CNIH3: variants seen among roughly 807,000 people sequenced by gnomAD.
The protein encoded by CNIH3 is cornichon family AMPA receptor auxiliary protein 3, also known as protein cornichon homolog 3.
CNIH3 carries 14 observed loss-of-function variants against 24.1 expected under a neutral mutation model. That is an observed-to-expected ratio of 0.58 (90% CI 0.38 to 0.91). The LOEUF is 0.91. Ranked by LOEUF, CNIH3 falls within the 40% of genes least tolerant of loss-of-function variation. The pLI is 0.00. For missense variants in CNIH3, 178 were observed against 196.8 expected, an observed-to-expected ratio of 0.90 and a Z score of 0.57; for synonymous variants, 68 against 73.8, an observed-to-expected ratio of 0.92 and a Z score of 0.40.
At chr1:224,643,579 T>C (rs7537973) in intron 1 of CNIH3, among the ~76,000 whole-genome samples, 89,181 of 152,090 alleles carry the variant, frequency 0.59, 28,604 homozygotes, top group African/African-American at 0.85. Flanking sequence ...GCCTCCCTTC[T>C]GTTGTGGGAC....
chr1:224,586,931 C>A (rs772738095), intron 5 of CNIH3, among the ~76,000 whole-genome samples: 1 of 152,178 alleles, frequency 6.6e-6, no homozygotes. Context: ...CTTCTAAAGA[C>A]TGGCAGGGGA....
intron 1 of CNIH3, among the ~76,000 whole-genome samples, chr1:224,466,362 T>C (rs1302781984): frequency 6.6e-6 from 1 of 152,228 alleles, no homozygotes. Context: ...TGTCATACAG[T>C]CTGTAGCTTT....
At chr1:224,559,511 C>T (rs1188000355) in intron 3 of CNIH3, among the ~76,000 whole-genome samples, 4 of 152,076 alleles carry the variant, frequency 2.6e-5, no homozygotes, top group African/African-American at 9.7e-5. Context: ...ACTACAGGCA[C>T]ATGCCACCAT....
rs73131696 is a variant in CNIH3, at chr1:224,525,470, A to G, written n.343+4143A>G. Among the ~76,000 whole-genome samples the G allele has an allele frequency of 2.5e-3, 381 of 152,358 alleles. 2 individuals carry two copies. Among genetic ancestry groups the G allele is most frequent in the African/African-American group, 8.2e-3 (342 of 41,584 alleles). On this transcript the variant is annotated intron_variant and non_coding_transcript_variant, in intron 2 of 2. Coordinates refer to the CNIH3 transcript ENST00000470602. ...TTTTCCCTCCTCCCAAGTGAAGAGCATCAGACCTTCCACAGTCAGGGTGTG... is the reference window on the plus strand; with the variant it reads ...TTTTCCCTCCTCCCAAGTGAAGAGCGTCAGACCTTCCACAGTCAGGGTGTG...
At chr1:224,696,692 A>T (rs373773528) in intron 3 of CNIH3, among the ~76,000 whole-genome samples, 1 of 152,240 alleles carries the variant, frequency 6.6e-6, no homozygotes. Flanking sequence ...ACCAATCTGA[A>T]TTTATTCATT....
rs190908387 is a variant in CNIH3, at chr1:224,508,891, C to T, written n.204-6850C>T. Reference sequence around the variant, plus strand: ...ACCCTGGGGGGTTCAAAGATAACTACGATTTTTATTCTAAAGTAGTTTAGG... The same window carrying T: ...ACCCTGGGGGGTTCAAAGATAACTATGATTTTTATTCTAAAGTAGTTTAGG... On this transcript the variant is annotated intron_variant and non_coding_transcript_variant, in intron 1 of 5. Transcript: ENST00000471578. Among the ~76,000 whole-genome samples, 20 of 152,214 alleles carry T rather than the reference C, an allele frequency of 1.3e-4. No homozygotes were observed. The East Asian group carries it at 3.5e-3, about 26-fold the overall frequency.
chr1:224,661,380 C>A, intron 1 of CNIH3: 1 of 271,506 alleles, frequency 3.7e-6, no homozygotes. Context: ...AGAATGAGTC[C>A]CCTGTGACCT....
chr1:224,601,128 G>A (rs1682189348), intron 3 of CNIH3, among the ~76,000 whole-genome samples: 1 of 152,182 alleles, frequency 6.6e-6, no homozygotes, highest in Non-Finnish European at 1.5e-5. Flanking sequence ...AGGCCCAAGC[G>A]AACAACTTGA....
At chr1:224,567,909 A>G (rs551985606) in intron 4 of CNIH3, among the ~76,000 whole-genome samples, 1 of 152,330 alleles carries the variant, frequency 6.6e-6, no homozygotes, top group East Asian at 1.9e-4. Context: ...GAACAGACCT[A>G]GAGTCTGATC....
chr1:224,734,829 G>C (rs1572841273), intron 5 of CNIH3, 123 bp downstream of exon 5: 1 of 983,518 alleles, frequency 1.0e-6, no homozygotes, highest in Non-Finnish European at 1.6e-6. Context: ...GGCCATTCAG[G>C]TGTAGTCCCA....
At chr1:224,461,612 G>A (rs895342823) in intron 1 of CNIH3, among the ~76,000 whole-genome samples, 9 of 152,106 alleles carry the variant, frequency 5.9e-5, no homozygotes, top group Non-Finnish European at 1.3e-4. Context: ...AGTTACCATA[G>A]TGATTTAAAC....
chr1:224,653,537 A>G (rs191473378), intron 1 of CNIH3, among the ~76,000 whole-genome samples: 1 of 152,114 alleles, frequency 6.6e-6, no homozygotes, highest in Non-Finnish European at 1.5e-5. Context: ...GATGAGGAGC[A>G]ATGGAGTTTT....
intron 1 of CNIH3, among the ~76,000 whole-genome samples, chr1:224,516,617 C>A (rs1299572190): frequency 6.6e-6 from 1 of 152,262 alleles, no homozygotes; most frequent in Non-Finnish European, 1.5e-5. Flanking sequence ...AAAGCCTCTG[C>A]ATGCTCCAGG....
intron 1 of CNIH3, among the ~76,000 whole-genome samples, chr1:224,509,206 C>T (rs1572384738): frequency 6.6e-6 from 1 of 152,056 alleles, no homozygotes; most frequent in African/African-American, 2.4e-5. Flanking sequence ...ATCTGTAATC[C>T]CAGCTACTCG....
Position 224,604,594 on chromosome 1 carries a change from A to C in CNIH3, n.402+38330A>C, listed in dbSNP as rs1361686915. Among the ~76,000 whole-genome samples the C allele has an allele frequency of 6.6e-6, 1 of 152,218 alleles. No homozygotes were observed. Among genetic ancestry groups the C allele is most frequent in the African/African-American group, 2.4e-5 (1 of 41,470 alleles). ...ATGTGGCACCAGGGAGGCTGGAGCC[A>C]GGGATGGGGCTCCCAGACTGTTTAG... On this transcript the variant is annotated intron_variant and non_coding_transcript_variant, in intron 3 of 7. Transcript: ENST00000478120. The surrounding 1 kb of genome is among the most constrained non-coding windows in gnomAD (Gnocchi z 4.4).
intron 3 of CNIH3, among the ~76,000 whole-genome samples, chr1:224,558,947 C>T (rs903589496): frequency 2.0e-5 from 3 of 152,284 alleles, no homozygotes; most frequent in Non-Finnish European, 4.4e-5. Context: ...ATCTGCATGT[C>T]GTTTTAATTA....
At chr1:224,648,939 AGTTGT>A in intron 1 of CNIH3, among the ~76,000 whole-genome samples, 1 of 152,274 alleles carries the variant, frequency 6.6e-6, no homozygotes, top group South Asian at 2.1e-4. Flanking sequence ...ATTTATCCTG[AGTTGT>A]GAAGAATCTA....
intron 1 of CNIH3, among the ~76,000 whole-genome samples, chr1:224,654,011 G>T (rs1684983585): frequency 6.6e-6 from 1 of 151,840 alleles, no homozygotes; most frequent in African/African-American, 2.4e-5. Context: ...AGCCTGAGAG[G>T]TCGAGGCTGC....
intron 1 of CNIH3, among the ~76,000 whole-genome samples, chr1:224,468,140 A>G (rs2102992854): frequency 6.6e-6 from 1 of 152,264 alleles, no homozygotes; most frequent in South Asian, 2.1e-4. Flanking sequence ...TTCTTACAAC[A>G]TTCTTCTTTT....
Sources: gnomAD v4.1 joint callset for allele counts (sites outside exome capture counted in the v4.1 genomes callset) on GRCh38, gnomAD v4.1.1 for gene constraint, Gnocchi (gnomAD v3.1) non-coding constraint, MANE v1.5 for transcripts, NCBI Gene and HGNC (gene_info 2026-07-23, HGNC 2026-07-21) for gene names.